The following INSC variants were observed in gnomAD, a reference collection of about 807,000 sequenced individuals.
INSC encodes the protein protein inscuteable homolog.
Under a neutral mutation model 58.6 loss-of-function variants are expected in INSC, and 67 were observed. The observed-to-expected ratio is 1.14, with a 90% confidence interval of 0.94 to 1.40. INSC has a LOEUF of 1.40. Among genes scored for constraint, INSC ranks in the 40% most tolerant of loss-of-function variants. The pLI, the probability that INSC is intolerant of heterozygous loss-of-function variation, is 0.00. For missense variants in INSC, 714 were observed against 692.0 expected, an observed-to-expected ratio of 1.03 and a Z score of -0.36; for synonymous variants, 262 against 276.1, an observed-to-expected ratio of 0.95 and a Z score of 0.51.
chr11:15,202,455 C>T (rs1850629826), intron 7 of INSC, among the ~76,000 whole-genome samples: 1 of 152,046 alleles, frequency 6.6e-6, no homozygotes, highest in Non-Finnish European at 1.5e-5. Context: ...CGTGTGCTCT[C>T]TTATATGGCA....
the INSC span, among the ~76,000 whole-genome samples, chr11:15,260,691 A>C: frequency 6.6e-6 from 1 of 152,156 alleles, no homozygotes; most frequent in Non-Finnish European, 1.5e-5. Flanking sequence ...AATAGAGATT[A>C]TAATAGACCT....
chr11:15,252,744 C>T, the INSC span, among the ~76,000 whole-genome samples: 1 of 152,210 alleles, frequency 6.6e-6, no homozygotes, highest in Non-Finnish European at 1.5e-5. Flanking sequence ...TGAAACTCCA[C>T]TGCTTGAAGA....
intron 5 of INSC, 105 bp from the exon 6 acceptor site, chr11:15,190,596 T>A: frequency 2.5e-6 from 2 of 789,282 alleles, no homozygotes; most frequent in Admixed American, 3.5e-5. Context: ...CAGGAGTAGA[T>A]TCCATGGTTG....
At chr11:15,149,084 C>T in intron 1 of INSC, 46 bp from the exon 2 acceptor site, 2 of 1,505,910 alleles carry the variant, frequency 1.3e-6, no homozygotes, top group Non-Finnish European at 8.9e-7. Context: ...GTGATTGTGC[C>T]TCCTCTTTTA....
chr11:15,135,493 T>C (rs1158255624), intron 1 of INSC, among the ~76,000 whole-genome samples: 1 of 152,232 alleles, frequency 6.6e-6, no homozygotes, highest in African/African-American at 2.4e-5. Context: ...TATTCTGTTA[T>C]ATACAGTGGT....
downstream of INSC, among the ~76,000 whole-genome samples, chr11:15,249,636 C>T (rs1263525949): frequency 6.6e-6 from 1 of 152,158 alleles, no homozygotes; most frequent in African/African-American, 2.4e-5. Flanking sequence ...CACAGGAGGT[C>T]CATAAAGAGA....
At chr11:15,113,138 T>TC (rs754118061), upstream of INSC, among the ~76,000 whole-genome samples, 9 of 132,850 alleles carry the variant, frequency 6.8e-5, no homozygotes, top group African/African-American at 2.3e-4. Context: ...TCTTTCTTTC[T>TC]TTCTTTCTGT....
chr11:15,206,838 G>C (rs1451392053), intron 7 of INSC, among the ~76,000 whole-genome samples: 1 of 152,214 alleles, frequency 6.6e-6, no homozygotes, highest in African/African-American at 2.4e-5. Context: ...CAGCAATGGT[G>C]CCTGCGTGGA....
At chr11:15,240,382 A>C (rs1852298452) in intron 11 of INSC, 65 bp from the exon 12 acceptor site, 8 of 1,420,772 alleles carry the variant, frequency 5.6e-6, no homozygotes, top group Non-Finnish European at 7.9e-6. Flanking sequence ...GGAGGCCCAG[A>C]ACCTCTGGGT....
intron 2 of INSC, among the ~76,000 whole-genome samples, chr11:15,153,951 C>T (rs1000734279): frequency 6.6e-6 from 1 of 151,828 alleles, no homozygotes; most frequent in Non-Finnish European, 1.5e-5. Context: ...CTTAGAAGCT[C>T]TGTGTCCCCA....
intron 5 of INSC, among the ~76,000 whole-genome samples, chr11:15,179,087 AC>A (rs1372278289): frequency 6.6e-6 from 1 of 152,170 alleles, no homozygotes; most frequent in African/African-American, 2.4e-5. Context: ...TGGCCTATCT[AC>A]TTTCTATCTG....
At chr11:15,212,943 T>C (rs1851083020) in intron 7 of INSC, among the ~76,000 whole-genome samples, 1 of 152,214 alleles carries the variant, frequency 6.6e-6, no homozygotes, top group African/African-American at 2.4e-5. Context: ...CTTATTATTT[T>C]ATTATTAAGT....
At chr11:15,171,830 C>T (rs531733465) in intron 2 of INSC, among the ~76,000 whole-genome samples, 1 of 152,196 alleles carries the variant, frequency 6.6e-6, no homozygotes, top group African/African-American at 2.4e-5. Context: ...GTCCCATGTA[C>T]AATAATCCCT....
At chr11:15,255,728 GTGTGTGTA>G in the INSC span, among the ~76,000 whole-genome samples, 1 of 106,952 alleles carries the variant, frequency 9.3e-6, no homozygotes, top group African/African-American at 3.9e-5. Flanking sequence ...GTATATGTAA[GTGTGTGTA>G]TGTGTGTGTG....
intron 7 of INSC, among the ~76,000 whole-genome samples, chr11:15,204,718 T>G (rs973279212): frequency 2.0e-5 from 3 of 152,220 alleles, no homozygotes; most frequent in African/African-American, 7.2e-5. Flanking sequence ...TCACCGGGCA[T>G]GGTTCGTGGC....
intron 3 of INSC, among the ~76,000 whole-genome samples, chr11:15,176,391 T>G (rs1332901282): frequency 6.6e-6 from 1 of 152,076 alleles, no homozygotes. Context: ...CTGCTTGGGT[T>G]GAAATGTTAG....
chr11:15,223,272 A>G (rs887391410), intron 8 of INSC, among the ~76,000 whole-genome samples: 1 of 152,188 alleles, frequency 6.6e-6, no homozygotes, highest in Non-Finnish European at 1.5e-5. Flanking sequence ...ACCTTTCACT[A>G]TTGTCATGTA....
chr11:15,243,457 G>GCTGT (rs1470383782), intron 12 of INSC, among the ~76,000 whole-genome samples: 1 of 152,158 alleles, frequency 6.6e-6, no homozygotes, highest in African/African-American at 2.4e-5. Context: ...GTGTTTTCAG[G>GCTGT]CTGTCTGGGA....
chr11:15,170,987 GA>G (rs1232062421), intron 2 of INSC, among the ~76,000 whole-genome samples: 1 of 152,202 alleles, frequency 6.6e-6, no homozygotes, highest in East Asian at 1.9e-4. Flanking sequence ...TACAGCTTCT[GA>G]AATCTCACTT....
Sources: allele counts gnomAD v4.1 joint callset (sites outside exome capture counted in the v4.1 genomes callset), GRCh38; gene constraint gnomAD v4.1.1; transcripts MANE v1.5; gene names NCBI Gene and HGNC (gene_info 2026-07-23, HGNC 2026-07-21).